Variants in LRBA observed in about 807,000 individuals in gnomAD.
LRBA encodes the protein lipopolysaccharide-responsive and beige-like anchor protein.
LRBA carries 176 observed loss-of-function variants against 330.0 expected under a neutral mutation model. The observed-to-expected ratio is 0.53, with a 90% CI of 0.47 to 0.60. The LOEUF is 0.60. Ranked by LOEUF, LRBA falls within the 20% of genes least tolerant of loss-of-function variation. The pLI is 0.00. For missense variants in LRBA, 3,259 were observed against 3,444.8 expected (o/e 0.95, Z 1.35); for synonymous variants, 1,230 against 1,193.0 (o/e 1.03, Z -0.64).
intron 47 of LRBA, among the ~76,000 whole-genome samples, chr4:150,408,457 C>T (rs1746507764): frequency 6.6e-6 from 1 of 152,032 alleles, no homozygotes; most frequent in Admixed American, 6.5e-5. Context: ...TTCCACCAAA[C>T]ATTTAAAGAA....
rs147548859 is a variant in LRBA, at chr4:150,703,512, C to A, written c.5755-19795G>T. ...TGTTGAAATTAAAATAAAACAGAAC[C>A]TTTTATAAAGAAGTCAATATGTAAT... On this transcript the variant is annotated intron_variant, in intron 36 of 56. Coordinates refer to ENST00000651943, the MANE Select transcript of LRBA (RefSeq NM_001364905.1). Among the ~76,000 whole-genome samples the A allele has an allele frequency of 2.6e-5, 4 of 152,230 alleles. No homozygotes were observed. The East Asian group carries it at 7.7e-4, about 29-fold the overall frequency.
intron 56 of LRBA, among the ~76,000 whole-genome samples, chr4:150,268,454 C>CA (rs1434967557): frequency 2.6e-5 from 4 of 152,124 alleles, no homozygotes; most frequent in Non-Finnish European, 5.9e-5. Flanking sequence ...ACCATGACAC[C>CA]AAAGCCAGTT....
At chr4:150,454,398 G>A (rs1459243601) in intron 44 of LRBA, among the ~76,000 whole-genome samples, 1 of 151,860 alleles carries the variant, frequency 6.6e-6, no homozygotes, top group East Asian at 1.9e-4. Flanking sequence ...AGTTTATAAA[G>A]ACAATTAAAC....
chr4:150,841,586 G>T lies in LRBA; in HGVS notation c.4569+2514C>A, dbSNP rs78579437. Reference sequence around the variant, plus strand: ...TAAAAACCTTAGCTCTTTACCTCAAGGTAGAAATTTATTTATGTCGTCGAT... The same window carrying T: ...TAAAAACCTTAGCTCTTTACCTCAATGTAGAAATTTATTTATGTCGTCGAT... On this transcript the variant is annotated intron_variant, in intron 28 of 56. Transcript: ENST00000651943. Among the ~76,000 whole-genome samples, 696 of 151,946 alleles carry T rather than the reference G, an allele frequency of 4.6e-3. 6 individuals carry two copies. The highest frequency in any genetic ancestry group is 0.016 in the African/African-American group (666 of 41,470).
chr4:150,463,556 T>A (rs1311574011), intron 44 of LRBA, among the ~76,000 whole-genome samples: 1 of 151,994 alleles, frequency 6.6e-6, no homozygotes, highest in Non-Finnish European at 1.5e-5. Context: ...TTTTTTACTT[T>A]TAATGTAGCA....
At chr4:150,956,495 TGAG>T (rs1480341659) in intron 2 of LRBA, among the ~76,000 whole-genome samples, 2 of 148,934 alleles carry the variant, frequency 1.3e-5, no homozygotes, top group Admixed American at 1.3e-4. Flanking sequence ...TCCAAAACAC[TGAG>T]GAGGAGAGAA....
chr4:150,925,531 C>T (rs139082254), intron 4 of LRBA, among the ~76,000 whole-genome samples: 1,541 of 152,270 alleles, frequency 0.01, 12 homozygotes, highest in Non-Finnish European at 0.017. Context: ...TAATGAAAAG[C>T]GCACCAAGTA....
intron 2 of LRBA, among the ~76,000 whole-genome samples, chr4:150,983,771 TA>T (rs983124121): frequency 1.1e-3 from 151 of 136,894 alleles, no homozygotes; most frequent in East Asian, 2.4e-3. Flanking sequence ...TACTCCGTCT[TA>T]AAAAAAAAAA....
chr4:150,694,161 C>T (rs1273430336), intron 36 of LRBA, among the ~76,000 whole-genome samples: 2 of 152,090 alleles, frequency 1.3e-5, no homozygotes, highest in African/African-American at 4.8e-5. Context: ...AGTAAGATGT[C>T]ATTCCTATAT....
intron 2 of LRBA, among the ~76,000 whole-genome samples, chr4:150,986,864 G>T (rs1368345530): frequency 6.6e-6 from 1 of 152,188 alleles, no homozygotes; most frequent in East Asian, 1.9e-4. Context: ...TAAAGAAAAT[G>T]ATACTCGTGC....
At chr4:150,802,521 T>C (rs527242537) in intron 33 of LRBA, among the ~76,000 whole-genome samples, 2 of 152,040 alleles carry the variant, frequency 1.3e-5, no homozygotes, top group Non-Finnish European at 2.9e-5. Context: ...AGACATAATT[T>C]AAAATTTTCA....
intron 2 of LRBA, among the ~76,000 whole-genome samples, chr4:150,938,753 C>G (rs1038406164): frequency 6.6e-6 from 1 of 152,114 alleles, no homozygotes; most frequent in Non-Finnish European, 1.5e-5. Flanking sequence ...ATCTATGGAT[C>G]CTGGCAATCA....
intron 37 of LRBA, among the ~76,000 whole-genome samples, chr4:150,623,483 A>G (rs1219619711): frequency 6.6e-6 from 1 of 152,182 alleles, no homozygotes. Flanking sequence ...TATACATAAA[A>G]TAGCATTGAA....
intron 34 of LRBA, among the ~76,000 whole-genome samples, chr4:150,789,147 A>G (rs2126634272): frequency 6.6e-6 from 1 of 152,214 alleles, no homozygotes; most frequent in East Asian, 1.9e-4. Context: ...TTAAAAACCC[A>G]CCTAAGGCAT....
At chr4:150,538,814 CAA>C (rs35022729) in intron 40 of LRBA, among the ~76,000 whole-genome samples, 9,569 of 101,166 alleles carry the variant, frequency 0.095, 479 homozygotes, top group East Asian at 0.24. Flanking sequence ...GGCCCTGTCT[CAA>C]AAAAAAAAAA....
At chr4:150,908,539 A>C in intron 10 of LRBA, 72 bp from the exon 11 acceptor site, 1 of 1,488,652 alleles carries the variant, frequency 6.7e-7, no homozygotes, top group Non-Finnish European at 9.1e-7. Flanking sequence ...AAGGCACAAC[A>C]ATAAATGCAG....
intron 40 of LRBA, among the ~76,000 whole-genome samples, chr4:150,564,196 C>T (rs1335445153): frequency 6.6e-6 from 1 of 152,034 alleles, no homozygotes; most frequent in Non-Finnish European, 1.5e-5. Flanking sequence ...ATATATAAGA[C>T]CAATGGAACA....
chr4:150,337,133 A>G (rs1332510166), intron 48 of LRBA, among the ~76,000 whole-genome samples: 1 of 152,168 alleles, frequency 6.6e-6, no homozygotes, highest in East Asian at 1.9e-4. Context: ...AGAAGGTTAA[A>G]TTATTTCTCA....
At chr4:150,824,841 C>A (rs1053546007) in intron 30 of LRBA, among the ~76,000 whole-genome samples, 3 of 151,922 alleles carry the variant, frequency 2.0e-5, no homozygotes, top group African/African-American at 7.3e-5. Context: ...GTGGCATGAA[C>A]ACAGCTCACT....
Sources: allele counts gnomAD v4.1 joint callset (sites outside exome capture counted in the v4.1 genomes callset), GRCh38; gene constraint gnomAD v4.1.1; transcripts MANE v1.5; gene names NCBI Gene and HGNC (gene_info 2026-07-23, HGNC 2026-07-21).